Variants in CACNA1C observed in about 807,000 individuals in gnomAD.
CACNA1C encodes the protein calcium voltage-gated channel subunit alpha1 C.
CACNA1C carries 30 observed loss-of-function variants against 229.0 expected under a neutral mutation model. The observed-to-expected ratio is 0.13, with a 90% confidence interval of 0.10 to 0.18. CACNA1C has a LOEUF of 0.18. CACNA1C is among the 10% of genes least tolerant of loss of function. CACNA1C has a pLI of 1.00. For missense variants in CACNA1C, 1,658 were observed against 2,845.0 expected, an observed-to-expected ratio of 0.58 and a Z score of 9.49; for synonymous variants, 1,114 against 1,132.5, an observed-to-expected ratio of 0.98 and a Z score of 0.33.
chr12:2,213,491 C>G (rs989039310), intron 3 of CACNA1C, among the ~76,000 whole-genome samples: 2 of 152,102 alleles, frequency 1.3e-5, no homozygotes, highest in Non-Finnish European at 2.9e-5. Context: ...GACATCTAGA[C>G]GGGGGAAGAA....
intron 3 of CACNA1C, among the ~76,000 whole-genome samples, chr12:2,184,725 C>T (rs149374078): frequency 2.6e-5 from 4 of 152,284 alleles, no homozygotes; most frequent in Non-Finnish European, 5.9e-5. Context: ...CCTGGGCTCA[C>T]GGAACTTAGG....
At chr12:2,066,159 A>G (rs1296371938) in intron 1 of CACNA1C, among the ~76,000 whole-genome samples, 1 of 152,066 alleles carries the variant, frequency 6.6e-6, no homozygotes, top group Non-Finnish European at 1.5e-5. Flanking sequence ...CCCAGCAGAA[A>G]GCCAGAGACA....
intron 1 of CACNA1C, among the ~76,000 whole-genome samples, chr12:2,096,380 C>T (rs1235433022): frequency 6.6e-6 from 1 of 152,140 alleles, no homozygotes; most frequent in African/African-American, 2.4e-5. Flanking sequence ...AGAGACTTGT[C>T]CTGCCACATA....
chr12:2,003,417 A>C (rs958482824), intron 1 of CACNA1C, among the ~76,000 whole-genome samples: 2 of 152,266 alleles, frequency 1.3e-5, no homozygotes, highest in African/African-American at 2.4e-5. Context: ...TATGTGATAC[A>C]TAATGGATGA....
intron 3 of CACNA1C, among the ~76,000 whole-genome samples, chr12:2,438,280 A>ATGATAATGATGGTGATGGTGGTG (rs2099168133): frequency 2.0e-5 from 1 of 49,364 alleles, no homozygotes; most frequent in African/African-American, 7.7e-5. Flanking sequence ...TGGTAATGAT[A>ATGATAATGATGGTGATGGTGGTG]GTGGTAATGA....
chr12:2,492,681 T>C (rs2099738486), intron 6 of CACNA1C, among the ~76,000 whole-genome samples: 1 of 152,278 alleles, frequency 6.6e-6, no homozygotes, highest in South Asian at 2.1e-4. Flanking sequence ...AAAGCTTTAT[T>C]GGATGGGATC....
intron 13 of CACNA1C, among the ~76,000 whole-genome samples, chr12:2,580,892 G>A (rs2060240185): frequency 6.6e-6 from 1 of 152,238 alleles, no homozygotes; most frequent in Admixed American, 6.5e-5. Context: ...TAGGATGCTT[G>A]TTAGAAACAA....
At chr12:2,283,178 A>G (rs2091865925) in intron 3 of CACNA1C, among the ~76,000 whole-genome samples, 2 of 152,188 alleles carry the variant, frequency 1.3e-5, no homozygotes, top group Admixed American at 1.3e-4. Context: ...CATTTTGATC[A>G]AGCTGCCAGA....
At chr12:2,255,058 C>A (rs1456561528) in intron 3 of CACNA1C, among the ~76,000 whole-genome samples, 1 of 152,108 alleles carries the variant, frequency 6.6e-6, no homozygotes, top group Non-Finnish European at 1.5e-5. Context: ...GGGCTGTGGC[C>A]CTGCAGATGC....
intron 1 of CACNA1C, among the ~76,000 whole-genome samples, chr12:2,031,266 G>A (rs550870538): frequency 5.3e-5 from 8 of 152,298 alleles, no homozygotes; most frequent in African/African-American, 1.7e-4. Context: ...GTCTTTCTCA[G>A]CATTGTGGTC....
At chr12:2,077,647 G>A (rs2063716809) in intron 1 of CACNA1C, among the ~76,000 whole-genome samples, 1 of 152,164 alleles carries the variant, frequency 6.6e-6, no homozygotes, top group Non-Finnish European at 1.5e-5. Context: ...CTGGATATAG[G>A]GTTTGGGGCT....
At chr12:2,293,264 G>T (rs549939936) in intron 3 of CACNA1C, among the ~76,000 whole-genome samples, 1 of 152,372 alleles carries the variant, frequency 6.6e-6, no homozygotes, top group East Asian at 1.9e-4. Context: ...ATAGACACAA[G>T]CAAGTTTTTC....
intron 3 of CACNA1C, among the ~76,000 whole-genome samples, chr12:2,363,957 C>T (rs1416880965): frequency 1.3e-5 from 2 of 152,176 alleles, no homozygotes; most frequent in Non-Finnish European, 2.9e-5. Context: ...GCCAGGAGGC[C>T]AGTGCCATCA....
At chr12:2,140,608 A>G (rs945648939) in intron 3 of CACNA1C, among the ~76,000 whole-genome samples, 1 of 151,236 alleles carries the variant, frequency 6.6e-6, no homozygotes, top group African/African-American at 2.4e-5. Context: ...TTCTTAATCT[A>G]GGAGAGGAGT....
intron 3 of CACNA1C, among the ~76,000 whole-genome samples, chr12:2,297,489 T>C (rs1277516453): frequency 6.6e-6 from 1 of 152,218 alleles, no homozygotes; most frequent in Non-Finnish European, 1.5e-5. Flanking sequence ...TTGGAGAACA[T>C]GGGCAGTGGC....
intron 3 of CACNA1C, among the ~76,000 whole-genome samples, chr12:2,409,840 C>T (rs1480994155): frequency 6.6e-6 from 1 of 152,148 alleles, no homozygotes; most frequent in African/African-American, 2.4e-5. Context: ...CGCTGCCCAG[C>T]AGGGGAGGTG....
intron 3 of CACNA1C, among the ~76,000 whole-genome samples, chr12:2,270,710 A>G (rs2084565285): frequency 6.6e-6 from 1 of 152,150 alleles, no homozygotes; most frequent in South Asian, 2.1e-4. Flanking sequence ...TGGCCATGGG[A>G]TGTCTTAAGT....
intron 3 of CACNA1C, among the ~76,000 whole-genome samples, chr12:2,300,362 G>A (rs1282865266): frequency 2.0e-5 from 3 of 152,216 alleles, no homozygotes; most frequent in Admixed American, 6.5e-5. Context: ...GCTCATGCCT[G>A]TAATCCCAGC....
At position 2,677,028 on chromosome 12, in the gene CACNA1C, T is replaced by C. The variant is rs975886664; in HGVS notation, c.4829-66T>C. ...AAGTTTTGGATGCTGAAAAAAAAAA[T>C]GAATGAAGTTCAACTGAATTCCCCT... On this transcript the variant is annotated intron_variant, in intron 39 of 46. Coordinates refer to ENST00000399655, the MANE Select transcript of CACNA1C (RefSeq NM_000719.7). This position sits in a 1 kb window ranked among gnomAD's most constrained non-coding sequence, Gnocchi z 7.4. 1 of 1,354,510 alleles carries C rather than the reference T, an allele frequency of 7.4e-7. No homozygotes were observed. Among genetic ancestry groups the C allele is most frequent in the Non-Finnish European group, 1.0e-6 (1 of 972,504 alleles). 83.9% of individuals were successfully genotyped at this position (1,354,510 alleles called of 1,614,324 possible).
Sources: allele counts gnomAD v4.1 joint callset (sites outside exome capture counted in the v4.1 genomes callset), GRCh38; gene constraint gnomAD v4.1.1; non-coding constraint Gnocchi (gnomAD v3.1); transcripts MANE v1.5; gene names NCBI Gene and HGNC (gene_info 2026-07-23, HGNC 2026-07-21).